ROBO2: variants seen among roughly 807,000 people sequenced by gnomAD.
ROBO2 encodes roundabout homolog 2.
ROBO2 carries 53 observed loss-of-function variants against 160.8 expected under a neutral mutation model. That is an observed-to-expected ratio of 0.33 (90% CI 0.26 to 0.41). ROBO2 has a LOEUF of 0.41. Among genes scored for constraint, ROBO2 ranks in the 10% least tolerant of loss-of-function variants. ROBO2 has a pLI of 1.00. For synonymous variants in ROBO2, 664 were observed against 611.7 expected, an observed-to-expected ratio of 1.09 and a Z score of -1.26; for missense variants, 1,577 against 1,722.4, an observed-to-expected ratio of 0.92 and a Z score of 1.49.
intron 2 of ROBO2, among the ~76,000 whole-genome samples, chr3:77,191,037 T>C (rs766299193): frequency 1.3e-5 from 2 of 152,176 alleles, no homozygotes; most frequent in Non-Finnish European, 2.9e-5. Context: ...TTCAGGAAGA[T>C]AAAAACGAAT....
At chr3:75,954,774 G>A (rs1335119955) in intron 2 of ROBO2, among the ~76,000 whole-genome samples, 1 of 151,704 alleles carries the variant, frequency 6.6e-6, no homozygotes, top group African/African-American at 2.4e-5. Flanking sequence ...AAGATTTTTC[G>A]AACATTTTTG....
At position 77,076,553 on chromosome 3, in the gene ROBO2, T is replaced by C. The variant is rs188227998; in HGVS notation, c.62-21461T>C. Among the ~76,000 whole-genome samples the C allele has an allele frequency of 7.2e-5, 11 of 152,292 alleles. No homozygotes were observed. The East Asian group carries it at 2.1e-3, about 29-fold the overall frequency. On this transcript the variant is annotated intron_variant, in intron 1 of 25. Transcript: ENST00000461745. The stretch of plus-strand genomic sequence containing the variant: ...CATAATGAGTAAATTTTTCTCTCAT[T>C]TTAAGCTATGTCTCACCAACCACCT...
chr3:76,277,631 G>A (rs1470159829), intron 2 of ROBO2, among the ~76,000 whole-genome samples: 1 of 151,864 alleles, frequency 6.6e-6, no homozygotes, highest in African/African-American at 2.4e-5. Context: ...TGGATGCTCA[G>A]TACCAAAAGC....
intron 2 of ROBO2, among the ~76,000 whole-genome samples, chr3:76,489,084 CAAAAAAAAA>C (rs67454494): frequency 2.3e-4 from 14 of 60,144 alleles, no homozygotes; most frequent in Non-Finnish European, 3.2e-4. Flanking sequence ...GACTCTGTCT[CAAAAAAAAA>C]AAAAAAAAAA....
chr3:76,439,030 A>G (rs1250634998), intron 2 of ROBO2, among the ~76,000 whole-genome samples: 3 of 152,184 alleles, frequency 2.0e-5, no homozygotes, highest in Admixed American at 2.0e-4. Flanking sequence ...CTGCATAGAC[A>G]ATGGAGAAAG....
intron 2 of ROBO2, among the ~76,000 whole-genome samples, chr3:75,963,947 T>G (rs1417644578): frequency 6.6e-6 from 1 of 151,816 alleles, no homozygotes; most frequent in Non-Finnish European, 1.5e-5. Flanking sequence ...AACTGAATTC[T>G]TATTTAAATC....
intron 2 of ROBO2, among the ~76,000 whole-genome samples, chr3:77,006,460 T>C (rs530115089): frequency 6.6e-6 from 1 of 151,976 alleles, no homozygotes; most frequent in South Asian, 2.1e-4. Context: ...AATTAAGGCT[T>C]TTCAAAAGTT....
intron 2 of ROBO2, among the ~76,000 whole-genome samples, chr3:76,462,725 G>C (rs188009666): frequency 4.1e-4 from 62 of 152,254 alleles, no homozygotes; most frequent in African/African-American, 1.5e-3. Flanking sequence ...ATGTATGTAA[G>C]AATGTATAAA....
chr3:77,588,999 A>G, intron 17 of ROBO2, 66 bp downstream of exon 18: 1 of 1,567,616 alleles, frequency 6.4e-7, no homozygotes, highest in Non-Finnish European at 8.8e-7. Context: ...GAATGGAAGG[A>G]ACAGAAAGGA....
chr3:77,367,316 A>G (rs150620431), intron 2 of ROBO2, among the ~76,000 whole-genome samples: 1 of 152,220 alleles, frequency 6.6e-6, no homozygotes, highest in African/African-American at 2.4e-5. Context: ...TTCTAAGGAA[A>G]TGATTAGAGT....
chr3:77,149,287 G>A (rs528775179), intron 2 of ROBO2, among the ~76,000 whole-genome samples: 258 of 151,972 alleles, frequency 1.7e-3, no homozygotes, highest in African/African-American at 5.6e-3. Flanking sequence ...TGCTTGCCTC[G>A]GGCTCCTAAA....
chr3:76,792,613 AT>A (rs951918886), intron 2 of ROBO2, among the ~76,000 whole-genome samples: 4 of 149,738 alleles, frequency 2.7e-5, no homozygotes, highest in African/African-American at 2.4e-5. Flanking sequence ...AAGTTTGAAA[AT>A]TTTTTTTTTG....
At chr3:76,852,838 A>C (rs908404675) in intron 2 of ROBO2, among the ~76,000 whole-genome samples, 1 of 152,268 alleles carries the variant, frequency 6.6e-6, no homozygotes, top group African/African-American at 2.4e-5. Flanking sequence ...TCACTGTTAT[A>C]TATATGTCGT....
chr3:76,125,439 T>A (rs72894599), intron 2 of ROBO2, among the ~76,000 whole-genome samples: 6 of 152,124 alleles, frequency 3.9e-5, no homozygotes, highest in African/African-American at 4.8e-5. Context: ...TCCACAGCGA[T>A]TGGACCAATT....
At chr3:76,217,088 A>T (rs1445929195) in intron 2 of ROBO2, among the ~76,000 whole-genome samples, 1 of 152,222 alleles carries the variant, frequency 6.6e-6, no homozygotes, top group East Asian at 1.9e-4. Context: ...TGAAGGCAGA[A>T]ATAAAGGTGT....
intron 2 of ROBO2, among the ~76,000 whole-genome samples, chr3:77,202,792 C>A (rs1425783038): frequency 6.6e-6 from 1 of 152,048 alleles, no homozygotes; most frequent in Non-Finnish European, 1.5e-5. Context: ...CTATCAGGTG[C>A]CTCCCTGGGT....
chr3:76,287,083 T>C (rs1443436077), intron 2 of ROBO2, among the ~76,000 whole-genome samples: 1 of 152,162 alleles, frequency 6.6e-6, no homozygotes, highest in Non-Finnish European at 1.5e-5. Context: ...TCTATGACAG[T>C]TAAATACCAG....
At chr3:76,356,640 A>G (rs2075186242) in intron 2 of ROBO2, among the ~76,000 whole-genome samples, 1 of 151,724 alleles carries the variant, frequency 6.6e-6, no homozygotes, top group African/African-American at 2.4e-5. Context: ...TCAACTTCAC[A>G]AAGCCAAAAA....
intron 1 of ROBO2, among the ~76,000 whole-genome samples, chr3:77,057,511 A>G (rs2065872227): frequency 6.7e-6 from 1 of 150,008 alleles, no homozygotes; most frequent in Admixed American, 6.6e-5. Context: ...TCTTTTAGTC[A>G]TTGCATTTTT....
Sources: gnomAD v4.1 joint callset for allele counts (sites outside exome capture counted in the v4.1 genomes callset) on GRCh38, gnomAD v4.1.1 for gene constraint, MANE v1.5 for transcripts, NCBI Gene and HGNC (gene_info 2026-07-23, HGNC 2026-07-21) for gene names.